ATP8A1: variants seen among roughly 807,000 people sequenced by gnomAD.
ATP8A1 encodes the protein ATPase phospholipid transporting 8A1.
Under a neutral mutation model 177.7 loss-of-function variants are expected in ATP8A1, and 90 were observed. The observed-to-expected ratio is 0.51, with a 90% CI of 0.43 to 0.60. ATP8A1 has a LOEUF of 0.60. Among genes scored for constraint, ATP8A1 ranks in the 20% least tolerant of loss-of-function variants. The probability of loss-of-function intolerance (pLI) is 0.00; values close to 1 mark genes in which losing one functional copy is unlikely to be tolerated. For missense variants in ATP8A1, 1,072 were observed against 1,392.8 expected (o/e 0.77, Z 3.67); for synonymous variants, 493 against 485.9 (o/e 1.01, Z -0.19).
intron 6 of ATP8A1, among the ~76,000 whole-genome samples, chr4:42,594,008 TAA>T (rs973940486): frequency 8.6e-5 from 13 of 152,028 alleles, no homozygotes; most frequent in African/African-American, 2.9e-4. Flanking sequence ...CAGGAAATCT[TAA>T]AAGAGTTATG....
chr4:42,638,799 AC>A (rs1226201555), intron 1 of ATP8A1, among the ~76,000 whole-genome samples: 1 of 152,154 alleles, frequency 6.6e-6, no homozygotes, highest in East Asian at 1.9e-4. Context: ...CCAGACATCT[AC>A]CAAGCATCTC....
In ATP8A1 at chr4:42,552,574, T is replaced by A. The variant is rs141373133; in HGVS notation, c.1450A>T (p.Met484Leu). 2.7e-5 allele frequency: 43 copies of A among 1,613,804 alleles called. No homozygotes were observed. In the Middle Eastern group the frequency reaches 6.6e-4, roughly 25 times the overall value. ...GGCACTGCTGTGTGACAGACTGCCA[T>A]CATTGTAAGAAATTCACATATTATA... is the stretch of plus-strand genomic sequence containing the variant. ...APIICEFLTMMAVCHTAVPER... is the reference protein window; with the variant it reads ...APIICEFLTMLAVCHTAVPER... The change falls in exon 17 of 37, where the codon ATG (methionine) becomes TTG (leucine). Residue 484 changes from methionine to leucine, a missense_variant. Physicochemically the swap from Met to Leu is conservative, Grantham distance 15. Coordinates refer to ENST00000381668, the MANE Select transcript of ATP8A1 (RefSeq NM_006095.2).
At chr4:42,606,119 T>A (rs760376626) in intron 5 of ATP8A1, among the ~76,000 whole-genome samples, 1 of 152,222 alleles carries the variant, frequency 6.6e-6, no homozygotes, top group Non-Finnish European at 1.5e-5. Flanking sequence ...CAGAGATATT[T>A]AACTCATTTT....
At chr4:42,585,390 T>C (rs1577646645) in intron 9 of ATP8A1, among the ~76,000 whole-genome samples, 1 of 151,492 alleles carries the variant, frequency 6.6e-6, no homozygotes, top group East Asian at 1.9e-4. Context: ...GTCTGAAAGT[T>C]TGTGTCTCCC....
chr4:42,629,609 T>C (rs945239283), intron 1 of ATP8A1, among the ~76,000 whole-genome samples: 5 of 152,236 alleles, frequency 3.3e-5, no homozygotes, highest in Admixed American at 1.3e-4. Flanking sequence ...AGGCCAGAGA[T>C]TGCAGGTATC....
rs866402689 is a variant in ATP8A1, at chr4:42,616,037, C to A, written c.405G>T (p.Thr135=). The change falls in exon 5 of 37, where the codon ACG becomes ACT. Residue 135 remains threonine, a synonymous_variant. Transcript: ENST00000381668. The stretch of plus-strand genomic sequence containing the variant: ...AAAAGCATGTAAAATTCCTACCTTG[C>A]GTTTGTTTCTTGTTCACTGCATTAT... ...KADNAVNKKQ[T]QVLRNGAWEI... 6.2e-7 allele frequency: 1 copy of A among 1,611,268 alleles called. No homozygotes were observed. Among genetic ancestry groups the A allele is most frequent in the Admixed American group, 1.7e-5 (1 of 59,666 alleles).
rs184551331 is a variant in ATP8A1, at chr4:42,420,709, G to A, written c.3305+2098C>T. ...ACTAAGGATAGTAACAGTATTAACA[G>A]TGGCCTTTCCCTAATAATTACGAAT... On this transcript the variant is annotated intron_variant, in intron 35 of 36. Coordinates refer to ENST00000381668, the MANE Select transcript of ATP8A1 (RefSeq NM_006095.2). Among the ~76,000 whole-genome samples, 24 of 151,882 alleles carry A rather than the reference G, an allele frequency of 1.6e-4. No individual in the cohort carries two copies. In the East Asian group the frequency reaches 2.3e-3, roughly 15 times the overall value.
At chr4:42,481,560 C>T (rs1721674213) in intron 25 of ATP8A1, among the ~76,000 whole-genome samples, 1 of 152,148 alleles carries the variant, frequency 6.6e-6, no homozygotes, top group South Asian at 2.1e-4. Context: ...GACTGTAGGA[C>T]CAGGGGGCAT....
chr4:42,483,376 A>AG (rs893176001), intron 25 of ATP8A1, among the ~76,000 whole-genome samples: 5 of 87,436 alleles, frequency 5.7e-5, no homozygotes, highest in African/African-American at 1.7e-4. Flanking sequence ...ATGTGACTTA[A>AG]GAAAAAAAAA....
intron 1 of ATP8A1, among the ~76,000 whole-genome samples, chr4:42,640,375 C>G (rs1739852547): frequency 6.6e-6 from 1 of 152,138 alleles, no homozygotes; most frequent in Admixed American, 6.5e-5. Context: ...AAAAAAGGTC[C>G]TTTACATTAG....
At chr4:42,590,910 A>C (rs1411537441) in intron 6 of ATP8A1, 26 bp from the exon 7 acceptor site, 1 of 1,493,490 alleles carries the variant, frequency 6.7e-7, no homozygotes, top group African/African-American at 1.8e-5. Context: ...TAAAATAATT[A>C]AAATGGCCAA....
rs148978289 is a variant in ATP8A1 at position 42,414,247 on chromosome 4, A to T, written c.3397+380T>A. ...ATATTCATAAATATTTCTGAAGGGG[A>T]AAATATATGCTTCCTTGTGTTGTAT... On this transcript the variant is annotated intron_variant, in intron 36 of 36. Transcript: ENST00000381668. Among the ~76,000 whole-genome samples the T allele has an allele frequency of 2.3e-4, 35 of 152,336 alleles. No homozygotes were observed. The South Asian group carries it at 2.9e-3, about 13-fold the overall frequency.
intron 1 of ATP8A1, among the ~76,000 whole-genome samples, chr4:42,629,383 A>G (rs553105880): frequency 6.6e-6 from 1 of 152,358 alleles, no homozygotes; most frequent in East Asian, 1.9e-4. Context: ...CATTACAGAA[A>G]AGCTTTGGAA....
chr4:42,543,287 A>T (rs2153206747), intron 20 of ATP8A1, among the ~76,000 whole-genome samples: 1 of 152,308 alleles, frequency 6.6e-6, no homozygotes, highest in South Asian at 2.1e-4. Context: ...GGAAGGTTAT[A>T]AACTAGGTAA....
At chr4:42,435,444 A>C (rs1387590182) in intron 33 of ATP8A1, among the ~76,000 whole-genome samples, 9 of 55,922 alleles carry the variant, frequency 1.6e-4, no homozygotes, top group African/African-American at 3.2e-4. Flanking sequence ...AAAAAAAAAA[A>C]AAAAACAAAA....
chr4:42,535,696 A>ATAGAC (rs1340992203), intron 20 of ATP8A1, among the ~76,000 whole-genome samples: 1 of 152,238 alleles, frequency 6.6e-6, no homozygotes, highest in East Asian at 1.9e-4. Flanking sequence ...ATTCTCCAAG[A>ATAGAC]TAGACCACAT....
chr4:42,493,461 T>C lies in ATP8A1; in HGVS notation c.2152-7793A>G, dbSNP rs137983340. ...AGAACTCCAAAACCCTTTTGGATCT[T>C]GGGCAGCTACGTGAGCTTAGAGTTC... On this transcript the variant is annotated intron_variant, in intron 24 of 36. Coordinates refer to ENST00000381668, the MANE Select transcript of ATP8A1 (RefSeq NM_006095.2). Among the ~76,000 whole-genome samples, 346 of 152,320 alleles carry C rather than the reference T, an allele frequency of 2.3e-3. 1 individual carries two copies. The highest frequency in any genetic ancestry group is 7.8e-3 in the African/African-American group (326 of 41,578).
At chr4:42,559,979 T>C (rs111756126) in intron 15 of ATP8A1, among the ~76,000 whole-genome samples, 2,934 of 152,338 alleles carry the variant, frequency 0.019, 91 homozygotes, top group African/African-American at 0.067. Flanking sequence ...GTGCTGGTAT[T>C]ACAGGCGTGA....
intron 7 of ATP8A1, 94 bp from the exon 8 acceptor site, chr4:42,588,423 G>T: frequency 4.0e-6 from 4 of 1,008,616 alleles, no homozygotes; most frequent in Non-Finnish European, 3.0e-6. Flanking sequence ...AAAGCCTTTC[G>T]TTCTAGACAA....
Sources: allele counts gnomAD v4.1 joint callset (sites outside exome capture counted in the v4.1 genomes callset), GRCh38; gene constraint gnomAD v4.1.1; transcripts MANE v1.5; gene names NCBI Gene and HGNC (gene_info 2026-07-23, HGNC 2026-07-21).